Variants in CMSS1 observed in about 807,000 individuals in gnomAD.
The protein encoded by CMSS1 is cms1 ribosomal small subunit homolog.
A neutral mutation model predicts 43.5 loss-of-function variants in CMSS1; 33 were observed. The ratio of observed to expected loss-of-function variants is 0.76; its 90% CI spans 0.57 to 1.01. The LOEUF (loss-of-function observed/expected upper bound fraction) is 1.01. CMSS1 is among the 50% of genes least tolerant of loss of function. The pLI, the probability that CMSS1 is intolerant of heterozygous loss-of-function variation, is 0.00. For synonymous variants in CMSS1, 115 were observed against 117.2 expected (o/e 0.98, Z 0.12); for missense variants, 313 against 326.4 (o/e 0.96, Z 0.32).
intron 1 of CMSS1, among the ~76,000 whole-genome samples, chr3:100,023,136 G>A (rs1379492356): frequency 6.6e-6 from 1 of 152,184 alleles, no homozygotes; most frequent in Non-Finnish European, 1.5e-5. Flanking sequence ...GCTGAAAGTG[G>A]AGTATGTGCT....
At chr3:100,116,569 C>T (rs370038803) in intron 1 of CMSS1, among the ~76,000 whole-genome samples, 7 of 152,254 alleles carry the variant, frequency 4.6e-5, no homozygotes, top group Middle Eastern at 3.4e-3. Context: ...CTGGGGATTG[C>T]GTGAGCTCAT....
At chr3:100,155,059 CCTTA>C (rs1422932377) in intron 2 of CMSS1, among the ~76,000 whole-genome samples, 1 of 152,032 alleles carries the variant, frequency 6.6e-6, no homozygotes, top group Non-Finnish European at 1.5e-5. Context: ...TAGCTTTTTT[CCTTA>C]CTTTCTGCCT....
At chr3:100,117,236 T>C (rs2066578028) in intron 1 of CMSS1, among the ~76,000 whole-genome samples, 1 of 152,192 alleles carries the variant, frequency 6.6e-6, no homozygotes, top group African/African-American at 2.4e-5. Flanking sequence ...ATTAAGTACA[T>C]TGAGCACTTT....
intron 1 of CMSS1, among the ~76,000 whole-genome samples, chr3:100,138,518 A>T (rs1043080944): frequency 6.6e-6 from 1 of 152,214 alleles, no homozygotes; most frequent in African/African-American, 2.4e-5. Flanking sequence ...CCCATCAAAA[A>T]GTAGGCAAAG....
chr3:100,082,530 A>G (rs1426802763), intron 1 of CMSS1, among the ~76,000 whole-genome samples: 3 of 152,190 alleles, frequency 2.0e-5, no homozygotes, highest in South Asian at 2.1e-4. Flanking sequence ...AAGACAGCCC[A>G]TAATATCTGA....
intron 1 of CMSS1, among the ~76,000 whole-genome samples, chr3:99,847,679 C>G (rs560566524): frequency 6.6e-6 from 1 of 152,206 alleles, no homozygotes; most frequent in Non-Finnish European, 1.5e-5. Flanking sequence ...AAATATATCC[C>G]AAGCATGAAG....
intron 1 of CMSS1, among the ~76,000 whole-genome samples, chr3:99,992,838 T>C (rs1709563641): frequency 6.6e-6 from 1 of 152,148 alleles, no homozygotes; most frequent in African/African-American, 2.4e-5. Flanking sequence ...GGTTAATTTT[T>C]GTATGTGGTA....
intron 1 of CMSS1, among the ~76,000 whole-genome samples, chr3:99,933,803 T>C (rs1043509426): frequency 2.0e-5 from 3 of 152,230 alleles, no homozygotes; most frequent in African/African-American, 7.2e-5. Context: ...GACCTGGTGC[T>C]CCATACATAA....
intron 1 of CMSS1, among the ~76,000 whole-genome samples, chr3:99,953,036 A>G (rs1175734519): frequency 6.6e-6 from 1 of 152,054 alleles, no homozygotes; most frequent in Admixed American, 6.5e-5. Flanking sequence ...CCTTTTCTCT[A>G]TCAAGTGCCA....
chr3:100,106,069 A>G (rs1392791873), intron 1 of CMSS1, among the ~76,000 whole-genome samples: 10 of 152,156 alleles, frequency 6.6e-5, no homozygotes, highest in South Asian at 2.1e-4. Context: ...TAAAATATCC[A>G]TATGTGCTGT....
intron 1 of CMSS1, among the ~76,000 whole-genome samples, chr3:99,899,229 A>C (rs1422584446): frequency 1.3e-5 from 2 of 152,358 alleles, no homozygotes; most frequent in East Asian, 3.9e-4. Flanking sequence ...TCATATAAAG[A>C]GTCTGCTCAG....
chr3:100,072,708 A>G (rs1236722018), intron 1 of CMSS1, among the ~76,000 whole-genome samples: 1 of 152,212 alleles, frequency 6.6e-6, no homozygotes, highest in Non-Finnish European at 1.5e-5. Context: ...CAGATTATCT[A>G]CTGGACAGAG....
At chr3:99,919,355 C>T (rs893545486) in intron 1 of CMSS1, among the ~76,000 whole-genome samples, 1 of 150,382 alleles carries the variant, frequency 6.6e-6, no homozygotes, top group Non-Finnish European at 1.5e-5. Flanking sequence ...CTTTGTTTTA[C>T]ACAATGAACA....
intron 1 of CMSS1, among the ~76,000 whole-genome samples, chr3:100,139,672 C>T (rs2066788793): frequency 6.7e-6 from 1 of 150,016 alleles, no homozygotes; most frequent in East Asian, 2.0e-4. Context: ...TGGTGGGCAC[C>T]TGTAATCCCA....
At chr3:99,918,559 CT>C (rs1462870192) in intron 1 of CMSS1, among the ~76,000 whole-genome samples, 1 of 152,176 alleles carries the variant, frequency 6.6e-6, no homozygotes, top group Non-Finnish European at 1.5e-5. Context: ...AGCATTGTCA[CT>C]CTATCTGAAT....
rs531931375 is a variant in CMSS1 at position 99,964,040 on chromosome 3, A to G, written c.64+145997A>G. 2.6e-5 allele frequency among the ~76,000 whole-genome samples: 4 copies of G among 152,218 alleles called. No individual in the cohort carries two copies. The South Asian group carries it at 6.2e-4, about 24-fold the overall frequency. On this transcript the variant is annotated intron_variant, in intron 1 of 9. Coordinates refer to ENST00000421999, the MANE Select transcript of CMSS1 (RefSeq NM_032359.4). Reference sequence around the variant, plus strand: ...ACATGACTTTATAATCTTCAAGCCCATGTTTGAATATTTGAACATAATAAT... The same window carrying G: ...ACATGACTTTATAATCTTCAAGCCCGTGTTTGAATATTTGAACATAATAAT...
intron 1 of CMSS1, among the ~76,000 whole-genome samples, chr3:100,008,318 A>G (rs1269537706): frequency 6.6e-6 from 1 of 152,174 alleles, no homozygotes; most frequent in Non-Finnish European, 1.5e-5. Context: ...TTAATACCAT[A>G]AGGACTTGCT....
At chr3:100,148,607 C>CA (rs1480831709) in intron 2 of CMSS1, among the ~76,000 whole-genome samples, 2 of 152,172 alleles carry the variant, frequency 1.3e-5, no homozygotes, top group Non-Finnish European at 2.9e-5. Context: ...CCCTGTGACT[C>CA]AGTCACCTTC....
intron 1 of CMSS1, among the ~76,000 whole-genome samples, chr3:99,835,306 G>C (rs1942852318): frequency 2.0e-5 from 3 of 152,240 alleles, no homozygotes; most frequent in Middle Eastern, 6.8e-3. Flanking sequence ...TTCTTTTTTA[G>C]AGTTCACCCA....
Sources: allele counts gnomAD v4.1 joint callset (sites outside exome capture counted in the v4.1 genomes callset), GRCh38; gene constraint gnomAD v4.1.1; transcripts MANE v1.5; gene names NCBI Gene and HGNC (gene_info 2026-07-23, HGNC 2026-07-21).